AKR1C8: variants seen among roughly 807,000 people sequenced by gnomAD.
The protein encoded by AKR1C8 is aldo-keto reductase family 1 member C-like protein 1.
the AKR1C8 span, among the ~76,000 whole-genome samples, chr10:5,129,328 A>G: frequency 6.6e-6 from 1 of 152,068 alleles, no homozygotes; most frequent in East Asian, 1.9e-4. Flanking sequence ...AAAGTCTGAA[A>G]CAGCACAAAT....
the AKR1C8 span, among the ~76,000 whole-genome samples, chr10:5,174,599 A>C: frequency 6.6e-6 from 1 of 152,046 alleles, no homozygotes; most frequent in Non-Finnish European, 1.5e-5. Context: ...TATACTAGAA[A>C]AACTCAGACT....
the AKR1C8 span, among the ~76,000 whole-genome samples, chr10:5,179,372 T>G: frequency 6.6e-6 from 1 of 152,220 alleles, no homozygotes; most frequent in Admixed American, 6.5e-5. Context: ...GAGCTTCCCT[T>G]TGTGGGTAAC....
chr10:5,179,152 G>A, the AKR1C8 span, among the ~76,000 whole-genome samples: 1 of 152,070 alleles, frequency 6.6e-6, no homozygotes, highest in South Asian at 2.1e-4. Flanking sequence ...CTTCCTTCAG[G>A]AGCTCTTTTA....
the AKR1C8 span, among the ~76,000 whole-genome samples, chr10:5,142,717 TCCCAAAACAA>T: frequency 6.6e-6 from 1 of 152,014 alleles, no homozygotes; most frequent in Non-Finnish European, 1.5e-5. Flanking sequence ...GTTTAGGGTA[TCCCAAAACAA>T]GTATAACAGT....
chr10:5,150,070 T>C, the AKR1C8 span, among the ~76,000 whole-genome samples: 3 of 152,112 alleles, frequency 2.0e-5, no homozygotes, highest in Non-Finnish European at 2.9e-5. Flanking sequence ...AATGAACTCA[T>C]GTTGTTTGAT....
the AKR1C8 span, among the ~76,000 whole-genome samples, chr10:5,130,497 C>T: frequency 6.6e-6 from 1 of 151,786 alleles, no homozygotes; most frequent in Non-Finnish European, 1.5e-5. Context: ...TTGCTGTTTG[C>T]CAATAATATA....
chr10:5,129,668 A>G, the AKR1C8 span, among the ~76,000 whole-genome samples: 1 of 152,070 alleles, frequency 6.6e-6, no homozygotes. Flanking sequence ...TGTAAAATCT[A>G]GAGTAAATGG....
chr10:5,158,803 T>C, the AKR1C8 span: 1 of 451,986 alleles, frequency 2.2e-6, no homozygotes, highest in Admixed American at 2.7e-5. Context: ...TAATACTACA[T>C]TAATAGATGT....
At chr10:5,168,037 T>G in the AKR1C8 span, among the ~76,000 whole-genome samples, 1 of 152,006 alleles carries the variant, frequency 6.6e-6, no homozygotes, top group African/African-American at 2.4e-5. Flanking sequence ...AAAAAAAGAC[T>G]TATATTCTTA....
At chr10:5,163,117 G>A in the AKR1C8 span, 11 of 418,498 alleles carry the variant, frequency 2.6e-5, no homozygotes, top group Admixed American at 9.8e-5. Context: ...TCTGCTGGCC[G>A]CCTCCTCCAA....
chr10:5,160,534 T>C, the AKR1C8 span, among the ~76,000 whole-genome samples: 2 of 152,180 alleles, frequency 1.3e-5, no homozygotes, highest in South Asian at 4.1e-4. Context: ...TTTGTGCTTC[T>C]CTATGCTGAC....
At chr10:5,167,142 T>C in the AKR1C8 span, among the ~76,000 whole-genome samples, 3 of 152,152 alleles carry the variant, frequency 2.0e-5, no homozygotes, top group Non-Finnish European at 2.9e-5. Flanking sequence ...CAACAGGTGC[T>C]GGAGAGGATG....
the AKR1C8 span, among the ~76,000 whole-genome samples, chr10:5,125,042 G>A: frequency 7.6e-6 from 1 of 131,184 alleles, no homozygotes; most frequent in Non-Finnish European, 1.7e-5. Context: ...AATCACAATT[G>A]GATTTTTTTT....
At chr10:5,177,516 T>C in the AKR1C8 span, among the ~76,000 whole-genome samples, 4 of 152,294 alleles carry the variant, frequency 2.6e-5, no homozygotes, top group South Asian at 4.1e-4. Flanking sequence ...GGAGGCTTCC[T>C]TCTTTTTCTA....
the AKR1C8 span, among the ~76,000 whole-genome samples, chr10:5,131,828 A>G: frequency 6.6e-6 from 1 of 152,168 alleles, no homozygotes; most frequent in South Asian, 2.1e-4. Flanking sequence ...TTGATCCATC[A>G]GTCCCACTAC....
At chr10:5,177,566 C>T in the AKR1C8 span, among the ~76,000 whole-genome samples, 1 of 152,160 alleles carries the variant, frequency 6.6e-6, no homozygotes, top group African/African-American at 2.4e-5. Context: ...ACCAGTTCCT[C>T]CTTGTACCTG....
the AKR1C8 span, among the ~76,000 whole-genome samples, chr10:5,134,647 ACT>A: frequency 6.6e-6 from 1 of 152,136 alleles, no homozygotes; most frequent in East Asian, 1.9e-4. Flanking sequence ...CAGTATTATT[ACT>A]CTGTCATGCT....
the AKR1C8 span, among the ~76,000 whole-genome samples, chr10:5,136,765 G>C: frequency 6.6e-6 from 1 of 152,078 alleles, no homozygotes; most frequent in Non-Finnish European, 1.5e-5. Context: ...CTTTAGAGGA[G>C]GACATAAATA....
At chr10:5,126,888 ATAAACAT>A in the AKR1C8 span, among the ~76,000 whole-genome samples, 1 of 152,158 alleles carries the variant, frequency 6.6e-6, no homozygotes, top group African/African-American at 2.4e-5. Context: ...ATTATAAACT[ATAAACAT>A]TAAAGTCAGT....
Sources: allele counts gnomAD v4.1 joint callset (sites outside exome capture counted in the v4.1 genomes callset), GRCh38; gene constraint gnomAD v4.1.1; transcripts MANE v1.5; gene names NCBI Gene and HGNC (gene_info 2026-07-23, HGNC 2026-07-21).